Variants in ACTR10 observed in about 807,000 individuals in gnomAD.
ACTR10 encodes the protein actin related protein 10.
In ACTR10, 43 loss-of-function variants were observed where a neutral mutation model predicts 56.2. That is an observed-to-expected ratio of 0.77 (90% CI 0.60 to 0.99). The LOEUF (loss-of-function observed/expected upper bound fraction) is 0.99, where lower values mean the gene tolerates loss of function less well. Ranked by LOEUF, ACTR10 falls within the 50% of genes least tolerant of loss-of-function variation. ACTR10 has a pLI of 0.00. For missense variants in ACTR10, 466 were observed against 507.8 expected, an observed-to-expected ratio of 0.92 and a Z score of 0.79; for synonymous variants, 170 against 176.3, an observed-to-expected ratio of 0.96 and a Z score of 0.28.
intron 10 of ACTR10, 64 bp from the exon 11 acceptor site, chr14:58,230,335 G>A: frequency 3.6e-6 from 3 of 831,754 alleles, no homozygotes; most frequent in Admixed American, 2.6e-5. Flanking sequence ...AAATAATGGT[G>A]TATTCTGTGT....
intron 7 of ACTR10, among the ~76,000 whole-genome samples, chr14:58,216,395 G>A (rs1889134754): frequency 2.0e-5 from 3 of 152,126 alleles, no homozygotes; most frequent in East Asian, 1.9e-4. Flanking sequence ...CTCCCAAAAT[G>A]CTGGGATTAC....
chr14:58,223,958 G>T, intron 10 of ACTR10, 102 bp downstream of exon 10: 2 of 894,054 alleles, frequency 2.2e-6, no homozygotes, highest in Non-Finnish European at 1.7e-6. Flanking sequence ...CATTTTAACA[G>T]TTCAGTGTTT....
chr14:58,214,709 T>G (rs1235612033), intron 6 of ACTR10, among the ~76,000 whole-genome samples: 1 of 149,118 alleles, frequency 6.7e-6, no homozygotes, highest in African/African-American at 2.4e-5. Flanking sequence ...CAGGCTGTTC[T>G]CAAACTCCTG....
At chr14:58,216,117 C>G (rs1241430553) in intron 7 of ACTR10, among the ~76,000 whole-genome samples, 1 of 151,912 alleles carries the variant, frequency 6.6e-6, no homozygotes, top group Non-Finnish European at 1.5e-5. Context: ...CCAGGAATAA[C>G]TTTCCACAAA....
chr14:58,232,825 A>G (rs1034364324), intron 12 of ACTR10, among the ~76,000 whole-genome samples: 13 of 151,796 alleles, frequency 8.6e-5, no homozygotes, highest in Non-Finnish European at 1.8e-4. Context: ...CCCTCAAAAT[A>G]GTGAAAGCTA....
chr14:58,227,140 A>G (rs1889422683), intron 10 of ACTR10, among the ~76,000 whole-genome samples: 1 of 150,466 alleles, frequency 6.6e-6, no homozygotes, highest in South Asian at 2.1e-4. Flanking sequence ...TATATAAACC[A>G]GTAATTCATA....
intron 10 of ACTR10, among the ~76,000 whole-genome samples, chr14:58,228,336 G>A (rs1013608547): frequency 2.6e-5 from 4 of 152,188 alleles, no homozygotes; most frequent in Non-Finnish European, 4.4e-5. Context: ...GTCCAACATA[G>A]GCCGGGTGCG....
intron 2 of ACTR10, among the ~76,000 whole-genome samples, chr14:58,203,728 T>C (rs1455553766): frequency 6.6e-6 from 1 of 152,182 alleles, no homozygotes; most frequent in East Asian, 1.9e-4. Flanking sequence ...CCAGAGAATT[T>C]TGAAAACAAA....
At chr14:58,220,234 T>G (rs1282410146) in intron 8 of ACTR10, among the ~76,000 whole-genome samples, 3 of 152,178 alleles carry the variant, frequency 2.0e-5, no homozygotes, top group African/African-American at 7.2e-5. Flanking sequence ...TAAAATACAT[T>G]TAAAATATAA....
chr14:58,200,241 G>C lies in ACTR10; in HGVS notation c.24G>C (p.Gly8=). The change falls in exon 1 of 13, where the codon GGG becomes GGC. Residue 8 remains glycine (G), a synonymous_variant. Coordinates refer to ENST00000254286, the MANE Select transcript of ACTR10 (RefSeq NM_018477.3). MPLYEGL[G]SGGEKTAVVI... The stretch of plus-strand genomic sequence containing the variant: ...CCATGCCGCTCTACGAGGGCCTGGG[G>C]AGCGGCGGGGAGAAGACGGCGGTCG... The C allele has an allele frequency of 2.6e-6, 4 of 1,519,838 alleles. No homozygotes were observed. Among genetic ancestry groups the C allele is most frequent in the South Asian group, 2.5e-5 (2 of 80,942 alleles). The allele number at this position is 1,519,838 out of a possible 1,614,324, so 94.1% of individuals were successfully genotyped here.
At chr14:58,221,742 A>G (rs1566628090) in intron 8 of ACTR10, among the ~76,000 whole-genome samples, 1 of 152,082 alleles carries the variant, frequency 6.6e-6, no homozygotes, top group Non-Finnish European at 1.5e-5. Flanking sequence ...CTCTGTCTCA[A>G]AAAAATAAAA....
intron 5 of ACTR10, among the ~76,000 whole-genome samples, chr14:58,212,069 A>C (rs1210216981): frequency 2.0e-5 from 3 of 152,152 alleles, no homozygotes; most frequent in Non-Finnish European, 4.4e-5. Context: ...CAATAAGTGC[A>C]ATGCAAATCT....
intron 10 of ACTR10, among the ~76,000 whole-genome samples, chr14:58,229,269 G>C (rs1467204694): frequency 6.6e-6 from 1 of 152,114 alleles, no homozygotes; most frequent in Non-Finnish European, 1.5e-5. Context: ...AAGGAAATGA[G>C]GAGAGGGTCA....
At chr14:58,226,308 C>G (rs908704402) in intron 10 of ACTR10, among the ~76,000 whole-genome samples, 2 of 151,422 alleles carry the variant, frequency 1.3e-5, no homozygotes, top group Non-Finnish European at 2.9e-5. Flanking sequence ...GAGATAGAGT[C>G]TCACTGTGCT....
intron 10 of ACTR10, among the ~76,000 whole-genome samples, chr14:58,224,858 A>G (rs1365766048): frequency 6.6e-6 from 1 of 152,044 alleles, no homozygotes; most frequent in African/African-American, 2.4e-5. Flanking sequence ...CTGTGGTAGC[A>G]CATGCCCGTA....
In ACTR10 at chr14:58,219,646, T is replaced by G. The variant is rs928112275; in HGVS notation, c.599-48T>G. On this transcript the variant is annotated intron_variant, in intron 7 of 12. Coordinates refer to ENST00000254286, the MANE Select transcript of ACTR10 (RefSeq NM_018477.3). ...AATGTGAAGGCAATTTAATAGACTGTTTTTAATTATTAAAGTTTTATAATT... is the reference window on the plus strand; with the variant it reads ...AATGTGAAGGCAATTTAATAGACTGGTTTTAATTATTAAAGTTTTATAATT... The G allele has an allele frequency of 4.7e-6, 6 of 1,264,838 alleles. No homozygotes were observed. The African/African-American group carries it at 9.5e-5, about 20-fold the overall frequency. 78.4% of individuals were successfully genotyped at this position (1,264,838 alleles called of 1,614,324 possible). A position where few individuals can be genotyped will look rare whatever the true frequency, so the allele number is the denominator to read the frequency against.
chr14:58,227,790 T>C (rs542240535), intron 10 of ACTR10, among the ~76,000 whole-genome samples: 25 of 152,354 alleles, frequency 1.6e-4, no homozygotes, highest in Non-Finnish European at 2.5e-4. Flanking sequence ...AGCTTTAAAA[T>C]AGTTATGCAT....
chr14:58,203,164 T>G (rs1293738072), intron 2 of ACTR10, among the ~76,000 whole-genome samples: 1 of 151,258 alleles, frequency 6.6e-6, no homozygotes, highest in Non-Finnish European at 1.5e-5. Flanking sequence ...TAGCCGGGAG[T>G]GGTGGCAGGC....
chr14:58,228,298 G>A (rs1467652039), intron 10 of ACTR10, among the ~76,000 whole-genome samples: 2 of 152,172 alleles, frequency 1.3e-5, no homozygotes, highest in African/African-American at 4.8e-5. Flanking sequence ...AGAAGGGAAA[G>A]AAGGAAGTAC....
Sources: allele counts gnomAD v4.1 joint callset (sites outside exome capture counted in the v4.1 genomes callset), GRCh38; gene constraint gnomAD v4.1.1; transcripts MANE v1.5; gene names NCBI Gene and HGNC (gene_info 2026-07-23, HGNC 2026-07-21).